Variants in NEDD4 observed in about 807,000 individuals in gnomAD.
The protein encoded by NEDD4 is E3 ubiquitin-protein ligase NEDD4.
Under a neutral mutation model 144.9 loss-of-function variants are expected in NEDD4, and 99 were observed. The observed-to-expected ratio is 0.68, with a 90% CI of 0.58 to 0.81. The LOEUF (loss-of-function observed/expected upper bound fraction) is 0.81. NEDD4 is among the 30% of genes least tolerant of loss of function. The pLI, the probability that NEDD4 is intolerant of heterozygous loss-of-function variation, is 0.00. For missense variants in NEDD4, 985 were observed against 1,065.9 expected, an observed-to-expected ratio of 0.92 and a Z score of 1.06; for synonymous variants, 318 against 350.6, an observed-to-expected ratio of 0.91 and a Z score of 1.04.
chr15:55,927,077 C>CAAAAAAAAA (rs57940091), intron 4 of NEDD4, among the ~76,000 whole-genome samples: 47 of 70,612 alleles, frequency 6.7e-4, no homozygotes, highest in Non-Finnish European at 9.1e-4. Context: ...GACTACGTCT[C>CAAAAAAAAA]AAAAAAAAAA....
At position 55,842,157 on chromosome 15, in the gene NEDD4, T is replaced by C; in HGVS notation, c.1615A>G (p.Ile539Val). The change falls in exon 19 of 29, where the codon ATT (isoleucine) becomes GTT (valine). Residue 539 changes from isoleucine (I) to valine (V), a missense_variant. By Grantham distance (29) the Ile-to-Val change is conservative. Coordinates refer to ENST00000435532, the MANE Select transcript of NEDD4 (RefSeq NM_006154.4). ...AGTTTCATTTCAAATTTGTTTGGAA[T>C]GTCATTCTGAAAATCCAGAGGAGAG... ...FRRKLKKQND[I>V]PNKFEMKLRR... 6.2e-7 allele frequency: 1 copy of C among 1,614,052 alleles called. No homozygotes were observed. Among genetic ancestry groups the C allele is most frequent in the Non-Finnish European group, 8.5e-7 (1 of 1,179,888 alleles).
At chr15:55,953,002 T>G (rs570076880) in intron 2 of NEDD4, among the ~76,000 whole-genome samples, 27 of 152,052 alleles carry the variant, frequency 1.8e-4, no homozygotes, top group Non-Finnish European at 3.4e-4. Context: ...TTTTTTCTTT[T>G]TTTTTGAGAC....
intron 5 of NEDD4, among the ~76,000 whole-genome samples, chr15:55,921,484 C>G (rs2142226398): frequency 6.6e-6 from 1 of 152,078 alleles, no homozygotes; most frequent in African/African-American, 2.4e-5. Flanking sequence ...ACCATCAGGC[C>G]TGGCTAAATT....
At chr15:55,915,483 T>C in intron 5 of NEDD4, 2 of 1,613,678 alleles carry the variant, frequency 1.2e-6, no homozygotes, top group South Asian at 1.1e-5. Context: ...TAAAATACCA[T>C]GGTTTTTGTT....
chr15:55,943,402 C>G (rs947937071), intron 4 of NEDD4, among the ~76,000 whole-genome samples: 13 of 152,182 alleles, frequency 8.5e-5, no homozygotes, highest in African/African-American at 2.7e-4. Flanking sequence ...TTTCATAGAC[C>G]AGGCCCAGGG....
chr15:55,958,709 T>C (rs2037378386), intron 2 of NEDD4, among the ~76,000 whole-genome samples: 1 of 152,166 alleles, frequency 6.6e-6, no homozygotes, highest in South Asian at 2.1e-4. Flanking sequence ...TAAACATCTA[T>C]TAAAGTTTTG....
intron 4 of NEDD4, among the ~76,000 whole-genome samples, chr15:55,944,294 C>T (rs1052629409): frequency 8.5e-5 from 13 of 152,328 alleles, no homozygotes; most frequent in African/African-American, 3.1e-4. Flanking sequence ...AAATACTGTG[C>T]TTTTCCCATG....
chr15:55,864,617 G>A (rs2142043728), intron 8 of NEDD4, among the ~76,000 whole-genome samples: 1 of 151,318 alleles, frequency 6.6e-6, no homozygotes, highest in South Asian at 2.1e-4. Context: ...GAGAGGCGGA[G>A]GTGATGGTGA....
intron 17 of NEDD4, among the ~76,000 whole-genome samples, chr15:55,847,541 G>C (rs899724017): frequency 1.3e-5 from 2 of 152,030 alleles, no homozygotes; most frequent in Non-Finnish European, 2.9e-5. Context: ...AATGGAAAAA[G>C]CAGCTATAAA....
chr15:55,961,209 G>T (rs1291119177), intron 2 of NEDD4, among the ~76,000 whole-genome samples: 1 of 152,126 alleles, frequency 6.6e-6, no homozygotes, highest in East Asian at 1.9e-4. Context: ...GAATACCCAT[G>T]AAAGGCACAC....
intron 24 of NEDD4, among the ~76,000 whole-genome samples, chr15:55,836,147 T>C (rs192255533): frequency 6.6e-6 from 1 of 152,268 alleles, no homozygotes; most frequent in East Asian, 1.9e-4. Flanking sequence ...CTAGTCCTTC[T>C]TTGTCCCTTC....
At position 55,840,624 on chromosome 15, in the gene NEDD4, G is replaced by A; in HGVS notation, c.1942C>T (p.His648Tyr). The stretch of plus-strand genomic sequence containing the variant: ...TACTAACCATCCAACAGTTTGCCAT[G>A]ATAAACTGCCATTCCAGCTACCCGA... Reference protein sequence around the residue: ...IGRVAGMAVYHGKLLDGFFIR... With the variant: ...IGRVAGMAVYYGKLLDGFFIR... The change falls in exon 20 of 29, where the codon CAT (histidine) becomes TAT (tyrosine). Residue 648 changes from histidine (H) to tyrosine (Y), a missense_variant. By Grantham distance (83) the His-to-Tyr change is moderately conservative (BLOSUM62 2). Coordinates refer to ENST00000435532, the MANE Select transcript of NEDD4 (RefSeq NM_006154.4). The A allele has an allele frequency of 6.2e-7, 1 of 1,614,052 alleles. No individual in the cohort carries two copies. Among genetic ancestry groups the A allele is most frequent in the Non-Finnish European group, 8.5e-7 (1 of 1,179,972 alleles).
At chr15:55,874,993 A>G (rs1475406475) in intron 5 of NEDD4, among the ~76,000 whole-genome samples, 1 of 151,518 alleles carries the variant, frequency 6.6e-6, no homozygotes, top group African/African-American at 2.4e-5. Context: ...AAAAAAAGGA[A>G]ATCAACTCTC....
chr15:55,993,331 G>A (rs1443345481), intron 1 of NEDD4, among the ~76,000 whole-genome samples, 180 bp downstream of exon 1: 1 of 152,104 alleles, frequency 6.6e-6, no homozygotes, highest in Non-Finnish European at 1.5e-5. Context: ...AGCCCCCAGC[G>A]CCCGCGCGCC....
At chr15:55,914,401 C>T (rs1195275441) in intron 5 of NEDD4, among the ~76,000 whole-genome samples, 2 of 151,724 alleles carry the variant, frequency 1.3e-5, no homozygotes, top group Non-Finnish European at 3.0e-5. Flanking sequence ...ATTTTAAATA[C>T]TTTGGAACGG....
At chr15:55,902,636 C>T (rs58300472) in intron 5 of NEDD4, among the ~76,000 whole-genome samples, 26 of 151,742 alleles carry the variant, frequency 1.7e-4, no homozygotes, top group Middle Eastern at 3.4e-3. Context: ...TTTTCCCTAA[C>T]GAAAAGTTTT....
In NEDD4 at chr15:55,901,615, G is replaced by A. The variant is rs2035916908; in HGVS notation, c.291+23031C>T. Among the ~76,000 whole-genome samples, 3 of 152,102 alleles carry A rather than the reference G, an allele frequency of 2.0e-5. No homozygotes were observed. In the South Asian group the frequency reaches 6.2e-4, roughly 32 times the overall value. ...TTGCTTTGGTTTCTTATGAAGAAGT[G>A]CTTCCCCAGATTCGTGGTCTGTGTA... On this transcript the variant is annotated intron_variant, in intron 5 of 28. Coordinates refer to ENST00000435532, the MANE Select transcript of NEDD4 (RefSeq NM_006154.4).
intron 1 of NEDD4, among the ~76,000 whole-genome samples, chr15:55,985,535 T>C (rs1826387392): frequency 6.6e-6 from 1 of 152,184 alleles, no homozygotes; most frequent in African/African-American, 2.4e-5. Flanking sequence ...AGGAAGTTAG[T>C]TACACTGAAC....
chr15:55,986,964 T>C (rs1452662233), intron 1 of NEDD4, among the ~76,000 whole-genome samples: 3 of 151,744 alleles, frequency 2.0e-5, no homozygotes, highest in East Asian at 1.9e-4. Flanking sequence ...CAGCATGATT[T>C]ATAGTCCTTT....
Sources: gnomAD v4.1 joint callset for allele counts (sites outside exome capture counted in the v4.1 genomes callset) on GRCh38, gnomAD v4.1.1 for gene constraint, MANE v1.5 for transcripts, NCBI Gene and HGNC (gene_info 2026-07-23, HGNC 2026-07-21) for gene names.